MLLT3: variants seen among roughly 807,000 people sequenced by gnomAD.
The protein encoded by MLLT3 is MLLT3 super elongation complex subunit.
In MLLT3, 4 loss-of-function variants were observed where a neutral mutation model predicts 53.2. The ratio of observed to expected loss-of-function variants is 0.08; its 90% CI spans 0.04 to 0.17. The LOEUF is 0.17. Ranked by LOEUF, MLLT3 falls within the 10% of genes least tolerant of loss-of-function variation. The pLI, the probability that MLLT3 is intolerant of heterozygous loss-of-function variation, is 1.00. For synonymous variants in MLLT3, 283 were observed against 230.6 expected (o/e 1.23, Z -2.06); for missense variants, 569 against 684.0 (o/e 0.83, Z 1.87).
chr9:20,420,604 G>A (rs1233655581), intron 4 of MLLT3, among the ~76,000 whole-genome samples: 1 of 152,146 alleles, frequency 6.6e-6, no homozygotes, highest in Non-Finnish European at 1.5e-5. Flanking sequence ...GTCATAAATT[G>A]ACAGACCTCA....
chr9:20,495,207 C>T (rs1380826642), intron 2 of MLLT3, among the ~76,000 whole-genome samples: 1 of 152,088 alleles, frequency 6.6e-6, no homozygotes, highest in Non-Finnish European at 1.5e-5. Flanking sequence ...CAACCATACC[C>T]AGAATTACAC....
intron 2 of MLLT3, among the ~76,000 whole-genome samples, chr9:20,497,423 T>G (rs982388640): frequency 9.9e-5 from 15 of 152,168 alleles, no homozygotes; most frequent in African/African-American, 3.4e-4. Context: ...TTCCCCGACC[T>G]TCATGATCCT....
chr9:20,383,552 C>A (rs1049058143), intron 5 of MLLT3, among the ~76,000 whole-genome samples: 1 of 151,744 alleles, frequency 6.6e-6, no homozygotes, highest in African/African-American at 2.4e-5. Context: ...CAATTCATAT[C>A]GCTAATGTTA....
intron 2 of MLLT3, among the ~76,000 whole-genome samples, chr9:20,595,399 C>G (rs1451302046): frequency 1.3e-5 from 2 of 151,780 alleles, no homozygotes; most frequent in African/African-American, 4.8e-5. Flanking sequence ...ATAAAAATTA[C>G]TGGAAAAATA....
intron 2 of MLLT3, among the ~76,000 whole-genome samples, chr9:20,549,617 C>T (rs1356066613): frequency 1.3e-5 from 2 of 152,246 alleles, no homozygotes; most frequent in East Asian, 1.9e-4. Flanking sequence ...AGGCGACTGG[C>T]GGAAGACCTA....
chr9:20,538,456 T>C (rs1359370438), intron 2 of MLLT3, among the ~76,000 whole-genome samples: 1 of 152,200 alleles, frequency 6.6e-6, no homozygotes, highest in Non-Finnish European at 1.5e-5. Flanking sequence ...AATCCCAACC[T>C]TCTTTCCTGG....
chr9:20,345,321 TAA>T lies in MLLT3; in HGVS notation c.*1120_*1121del. 4.7e-6 allele frequency: 1 copy of T among 211,498 alleles called. No homozygotes were observed. Among genetic ancestry groups the T allele is most frequent in the Admixed American group, 5.9e-5 (1 of 17,032 alleles). The allele number at this position is 211,498 out of a possible 1,614,324, so 13.1% of individuals were successfully genotyped here. On this transcript the variant is annotated 3_prime_UTR_variant, in exon 11 of 11. Transcript: ENST00000380338. ...AGAAAGATTTTAATTTTTTCAAATA[TAA>T]AAGTGTCTAAGAGAATCATATGTGA...
At chr9:20,392,515 T>C (rs779138271) in intron 5 of MLLT3, among the ~76,000 whole-genome samples, 1 of 152,196 alleles carries the variant, frequency 6.6e-6, no homozygotes. Context: ...TCCCTTTTCC[T>C]TTACTAATCA....
At chr9:20,614,135 C>A (rs1820766350) in intron 2 of MLLT3, among the ~76,000 whole-genome samples, 1 of 152,198 alleles carries the variant, frequency 6.6e-6, no homozygotes, top group Non-Finnish European at 1.5e-5. Flanking sequence ...TGCCTCATGC[C>A]TGTAATCTCA....
At chr9:20,554,228 T>G (rs1818999498) in intron 2 of MLLT3, among the ~76,000 whole-genome samples, 1 of 152,148 alleles carries the variant, frequency 6.6e-6, no homozygotes, top group South Asian at 2.1e-4. Context: ...AAAAACTTAA[T>G]TTCCTGTACA....
At chr9:20,464,714 TG>T (rs112823888) in intron 2 of MLLT3, among the ~76,000 whole-genome samples, 64 of 152,224 alleles carry the variant, frequency 4.2e-4, no homozygotes, top group African/African-American at 1.4e-3. Context: ...ACATTTATAT[TG>T]GTTACAGAGG....
At chr9:20,375,844 G>A (rs1210481822) in intron 5 of MLLT3, among the ~76,000 whole-genome samples, 3 of 151,882 alleles carry the variant, frequency 2.0e-5, no homozygotes, top group South Asian at 2.1e-4. Flanking sequence ...TCCTGACCTC[G>A]TGATCCGCCC....
chr9:20,565,273 G>A (rs755256576), intron 2 of MLLT3, among the ~76,000 whole-genome samples: 5 of 151,896 alleles, frequency 3.3e-5, no homozygotes, highest in African/African-American at 7.3e-5. Flanking sequence ...ACAAAGCTTC[G>A]GTTCCGCTAG....
At chr9:20,366,161 T>C (rs1299047241) in intron 5 of MLLT3, among the ~76,000 whole-genome samples, 2 of 152,190 alleles carry the variant, frequency 1.3e-5, no homozygotes, top group Non-Finnish European at 2.9e-5. Flanking sequence ...CAACCCATCA[T>C]CTACGTTAGG....
chr9:20,496,970 G>A (rs1432354770), intron 2 of MLLT3, among the ~76,000 whole-genome samples: 3 of 152,274 alleles, frequency 2.0e-5, no homozygotes, highest in East Asian at 3.9e-4. Context: ...ACTTTCACTT[G>A]TCAAGCTTCC....
chr9:20,501,837 T>C (rs1016965621), intron 2 of MLLT3, among the ~76,000 whole-genome samples: 7 of 150,502 alleles, frequency 4.7e-5, no homozygotes, highest in Non-Finnish European at 8.8e-5. Flanking sequence ...TCCCAGCATT[T>C]TGAGAAGCCA....
chr9:20,540,873 T>A (rs1818612457), intron 2 of MLLT3, among the ~76,000 whole-genome samples: 2 of 152,250 alleles, frequency 1.3e-5, no homozygotes, highest in Non-Finnish European at 2.9e-5. Context: ...ATTTTCCAAG[T>A]GTTTATGCTC....
chr9:20,532,025 C>G (rs1345979546), intron 2 of MLLT3, among the ~76,000 whole-genome samples: 1 of 151,956 alleles, frequency 6.6e-6, no homozygotes, highest in African/African-American at 2.4e-5. Flanking sequence ...TTCAAAAGCC[C>G]ACAAAAATGA....
At chr9:20,360,089 G>T (rs1821276948) in intron 8 of MLLT3, among the ~76,000 whole-genome samples, 3 of 152,140 alleles carry the variant, frequency 2.0e-5, no homozygotes, top group Admixed American at 2.0e-4. Context: ...AGCTCAAGTT[G>T]TAACAATGAT....
Sources: gnomAD v4.1 joint callset for allele counts (sites outside exome capture counted in the v4.1 genomes callset) on GRCh38, gnomAD v4.1.1 for gene constraint, MANE v1.5 for transcripts, NCBI Gene and HGNC (gene_info 2026-07-23, HGNC 2026-07-21) for gene names.